SRCIN1: variants seen among roughly 807,000 people sequenced by gnomAD.
SRCIN1 encodes SRC kinase signaling inhibitor 1.
In SRCIN1, 50 loss-of-function variants were observed where a neutral mutation model predicts 116.2. The ratio of observed to expected loss-of-function variants is 0.43; its 90% CI spans 0.34 to 0.54. The LOEUF (loss-of-function observed/expected upper bound fraction) is 0.54. Among genes scored for constraint, SRCIN1 ranks in the 20% least tolerant of loss-of-function variants. The probability of loss-of-function intolerance (pLI) is 0.02; values close to 1 mark genes in which losing one functional copy is unlikely to be tolerated. For missense variants in SRCIN1, 1,446 were observed against 1,672.0 expected, an observed-to-expected ratio of 0.86 and a Z score of 2.36; for synonymous variants, 736 against 750.0, an observed-to-expected ratio of 0.98 and a Z score of 0.30.
chr17:38,549,067 C>A lies in SRCIN1; in HGVS notation c.3106G>T (p.Ala1036Ser). Reference sequence around the variant, plus strand: ...GGTGGGAGTGGTACCTTGATGAAGGCCGAGTCCTTCTTGCTGGTGACCACC... The same window carrying A: ...GGTGGGAGTGGTACCTTGATGAAGGACGAGTCCTTCTTGCTGGTGACCACC... ...EVVVTSKKDS[A>S]FIKKAESEEL... Residue 1036 changes from alanine (A) to serine (S), a missense_variant, in exon 16 of 19, where the codon GCC becomes TCC. Transcript: ENST00000617146. 1 of 1,613,230 alleles carries A rather than the reference C, an allele frequency of 6.2e-7. No individual in the cohort carries two copies. The highest frequency in any genetic ancestry group is 8.5e-7 in the Non-Finnish European group (1 of 1,179,692).
rs765548087 is a variant in SRCIN1 at position 38,558,114 on chromosome 17, A to T, written c.2201+113T>A. The T allele has an allele frequency of 1.1e-5, 14 of 1,259,812 alleles. No individual in the cohort carries two copies. In the East Asian group the frequency reaches 3.3e-4, roughly 30 times the overall value. 78.0% of individuals were successfully genotyped at this position (1,259,812 alleles called of 1,614,324 possible). On this transcript the variant is annotated intron_variant, in intron 11 of 18. Coordinates refer to ENST00000617146, the MANE Select transcript of SRCIN1 (RefSeq NM_025248.3). The surrounding 1 kb of genome is among the most constrained non-coding windows in gnomAD (Gnocchi z 4.6). Reference sequence around the variant, plus strand: ...AGAATGAAATCAGGCTTCAGAACAGACCAACGCCACCTGTGACTCAGAGGG... The same window carrying T: ...AGAATGAAATCAGGCTTCAGAACAGTCCAACGCCACCTGTGACTCAGAGGG...
chr17:38,577,556 A>AC (rs1291795641), intron 2 of SRCIN1, among the ~76,000 whole-genome samples: 5 of 151,932 alleles, frequency 3.3e-5, no homozygotes, highest in African/African-American at 1.2e-4. Context: ...GGACTGACAC[A>AC]CCCCCAGGCT....
intron 15 of SRCIN1, among the ~76,000 whole-genome samples, chr17:38,550,843 A>G (rs1905346268): frequency 6.6e-6 from 1 of 152,170 alleles, no homozygotes; most frequent in South Asian, 2.1e-4. Flanking sequence ...CCCGCCCTCA[A>G]CACAGCCTGG....
At chr17:38,560,488 C>T (rs1394243105) in intron 7 of SRCIN1, 63 bp from the exon 8 acceptor site, 1 of 1,390,292 alleles carries the variant, frequency 7.2e-7, no homozygotes, top group Non-Finnish European at 1.0e-6. Flanking sequence ...TGCCCAGCCC[C>T]CCATTCCTAA....
At position 38,559,836 on chromosome 17, in the gene SRCIN1, G is replaced by A. The variant is rs1222354082; in HGVS notation, c.1838-64C>T. ...TGTGAGCCTGGGAAGGACTGGGCTGGGACAAAGTCCTCCCTACTCTCCGAC... is the reference window on the plus strand; with the variant it reads ...TGTGAGCCTGGGAAGGACTGGGCTGAGACAAAGTCCTCCCTACTCTCCGAC... On this transcript the variant is annotated intron_variant, in intron 9 of 18. Coordinates refer to ENST00000617146, the MANE Select transcript of SRCIN1 (RefSeq NM_025248.3). The A allele has an allele frequency of 2.8e-6, 4 of 1,452,078 alleles. No individual in the cohort carries two copies. The African/African-American group carries it at 4.3e-5, about 15-fold the overall frequency. 89.9% of individuals were successfully genotyped at this position (1,452,078 alleles called of 1,614,324 possible).
chr17:38,583,548 G>GTTT (rs10691272), intron 1 of SRCIN1, among the ~76,000 whole-genome samples: 114 of 104,212 alleles, frequency 1.1e-3, no homozygotes, highest in Middle Eastern at 5.8e-3. Flanking sequence ...TTCATTTTCT[G>GTTT]TTTTTTTTTT....
rs947140962 is a variant in SRCIN1, at chr17:38,585,043, C to T, written c.23-6252G>A. Among the ~76,000 whole-genome samples the T allele has an allele frequency of 5.3e-5, 8 of 152,232 alleles. No individual in the cohort carries two copies. Among genetic ancestry groups the T allele is most frequent in the Non-Finnish European group, 8.8e-5 (6 of 68,048 alleles). On this transcript the variant is annotated intron_variant, in intron 1 of 18. Transcript: ENST00000617146. This position sits in a 1 kb window ranked among gnomAD's most constrained non-coding sequence, Gnocchi z 4.2. ...GAGATAAGGAGGCTGGACAAAACCC[C>T]TCCCTTGGGGACCTGAGAGGCTGTC...
chr17:38,551,971 G>A lies in SRCIN1; in HGVS notation c.2642C>T (p.Ala881Val), dbSNP rs1344055669. 1.2e-6 allele frequency: 2 copies of A among 1,614,060 alleles called. No homozygotes were observed. The highest frequency in any genetic ancestry group is 1.3e-5 in the African/African-American group (1 of 75,072). Reference protein sequence around the residue: ...LHELSGPAEGASLTPKGGNPT... With the variant: ...LHELSGPAEGVSLTPKGGNPT... The stretch of plus-strand genomic sequence containing the variant: ...GTTGCCCCCCTTGGGGGTAAGAGAG[G>A]CTCCTTCAGCTGGCCCGCTCAGCTC... Residue 881 changes from alanine (A) to valine (V), a missense_variant, in exon 14 of 19, where the codon GCC becomes GTC. Physicochemically the swap from Ala to Val is moderately conservative, Grantham distance 64. Transcript: ENST00000617146.
upstream of SRCIN1, among the ~76,000 whole-genome samples, chr17:38,606,561 C>A (rs1415084074): frequency 3.3e-5 from 5 of 152,112 alleles, no homozygotes; most frequent in Non-Finnish European, 7.4e-5. This position sits in a 1 kb window ranked among gnomAD's most constrained non-coding sequence, Gnocchi z 5.2. Flanking sequence ...TGCAGCCCCT[C>A]CTGCAGGCGT....
chr17:38,583,795 C>T (rs1183151126), intron 1 of SRCIN1, among the ~76,000 whole-genome samples: 4 of 152,070 alleles, frequency 2.6e-5, no homozygotes, highest in East Asian at 1.9e-4. Context: ...TCAGGTGATC[C>T]GCCCGCCTCG....
At chr17:38,548,742 C>T (rs765335187) in intron 16 of SRCIN1, 33 bp from the exon 17 acceptor site, 2 of 1,537,764 alleles carry the variant, frequency 1.3e-6, no homozygotes, top group East Asian at 2.3e-5. Context: ...CAAGGCCAGG[C>T]TCTGCCCCAC....
chr17:38,601,614 C>T (rs1197783285), intron 1 of SRCIN1, among the ~76,000 whole-genome samples: 1 of 151,440 alleles, frequency 6.6e-6, no homozygotes, highest in African/African-American at 2.4e-5. Context: ...AGGGGGATGG[C>T]GCCCTCAACA....
Position 38,578,601 on chromosome 17 carries a change from G to A in SRCIN1, c.213C>T (p.Leu71=). 1 of 1,610,756 alleles carries A rather than the reference G, an allele frequency of 6.2e-7. No homozygotes were observed. The highest frequency in any genetic ancestry group is 8.5e-7 in the Non-Finnish European group (1 of 1,178,684). The change falls in exon 2 of 19, where the codon CTC becomes CTT. Residue 71 remains leucine (L), a synonymous_variant. Transcript: ENST00000617146. ...GCTTGCGGTCGGCGTCCGCCTTCTG[G>A]AGCCCGCTGAGCGCCTCCAGACTCT... ...AAQSLEALSG[L]QKADADRKRD... is the part of the protein sequence containing the mutation.
rs1906381193 is a variant in SRCIN1, at chr17:38,562,984, GGCTACTCC to G, written c.741-72_741-65del. ...CCAGCTGTGCACAATGAGAAGGGAT[GGCTACTCC>G]AGGCCTAGAGAAGAGGGGTGGCCAG... On this transcript the variant is annotated intron_variant, in intron 5 of 18. Coordinates refer to ENST00000617146, the MANE Select transcript of SRCIN1 (RefSeq NM_025248.3). The surrounding 1 kb of genome is among the most constrained non-coding windows in gnomAD (Gnocchi z 4.2). The G allele has an allele frequency of 5.2e-6, 7 of 1,334,336 alleles. No individual in the cohort carries two copies. The African/African-American group carries it at 1.0e-4, about 19-fold the overall frequency. 82.7% of individuals were successfully genotyped at this position (1,334,336 alleles called of 1,614,324 possible).
intron 15 of SRCIN1, among the ~76,000 whole-genome samples, chr17:38,550,697 A>C (rs1190993425): frequency 6.6e-6 from 1 of 152,212 alleles, no homozygotes; most frequent in African/African-American, 2.4e-5. Context: ...GTACTTAACC[A>C]ATATGCATTG....
At chr17:38,548,088 T>A in intron 17 of SRCIN1, among the ~76,000 whole-genome samples, 1 of 152,152 alleles carries the variant, frequency 6.6e-6, no homozygotes, top group East Asian at 1.9e-4. Flanking sequence ...TCTCCCGCAC[T>A]GGAGCTGGGG....
chr17:38,580,459 A>T (rs975082868), intron 1 of SRCIN1, among the ~76,000 whole-genome samples: 1 of 152,066 alleles, frequency 6.6e-6, no homozygotes, highest in Non-Finnish European at 1.5e-5. Context: ...TCATGGCTGC[A>T]TGCTTCCTTC....
At chr17:38,549,448 C>T (rs1690601032) in intron 15 of SRCIN1, among the ~76,000 whole-genome samples, 1 of 152,180 alleles carries the variant, frequency 6.6e-6, no homozygotes, top group Non-Finnish European at 1.5e-5. Flanking sequence ...TGTCTGTGGA[C>T]CAGCAGCACT....
At position 38,549,206 on chromosome 17, in the gene SRCIN1, C is replaced by T. The variant is rs372264724; in HGVS notation, c.2967G>A (p.Glu989=). 5.9e-6 allele frequency: 9 copies of T among 1,531,738 alleles called. No individual in the cohort carries two copies. The highest frequency in any genetic ancestry group is 7.9e-6 in the Non-Finnish European group (9 of 1,142,874). 94.9% of individuals were successfully genotyped at this position (1,531,738 alleles called of 1,614,324 possible). The stretch of plus-strand genomic sequence containing the variant: ...CTGTGCGGTATCGGGGCACGGTCAA[C>T]TCATCTGCAGGCACCAAGGGGCTGG... ...TEPSGRRGSD[E]LTVPRYRTEK... Residue 989 remains glutamate, a synonymous_variant, in exon 16 of 19, where the codon GAG becomes GAA. Transcript: ENST00000617146.
Sources: allele counts gnomAD v4.1 joint callset (sites outside exome capture counted in the v4.1 genomes callset), GRCh38; gene constraint gnomAD v4.1.1; non-coding constraint Gnocchi (gnomAD v3.1); transcripts MANE v1.5; gene names NCBI Gene and HGNC (gene_info 2026-07-23, HGNC 2026-07-21).